Variants in COL4A5 observed in about 807,000 individuals in gnomAD.
The protein encoded by COL4A5 is collagen type IV alpha 5 chain.
Under a neutral mutation model 130.2 loss-of-function variants are expected in COL4A5, and 26 were observed. The observed-to-expected ratio is 0.20, with a 90% CI of 0.15 to 0.28. The LOEUF is 0.28. Ranked by LOEUF, COL4A5 falls within the 10% of genes least tolerant of loss-of-function variation. The probability of loss-of-function intolerance (pLI) is 1.00; values close to 1 mark genes in which losing one functional copy is unlikely to be tolerated. For missense variants in COL4A5, 1,131 were observed against 1,344.3 expected, an observed-to-expected ratio of 0.84 and a Z score of 2.48; for synonymous variants, 496 against 439.6, an observed-to-expected ratio of 1.13 and a Z score of -1.60.
At chrX:108,579,546 G>C (rs2066208645) in intron 13 of COL4A5, among the ~76,000 whole-genome samples, 2 of 112,049 alleles carry the variant, frequency 1.8e-5, no homozygotes, top group Admixed American at 1.9e-4. Context: ...TATGCAAGGA[G>C]AAAGATAATG....
In COL4A5 at chrX:108,500,277, G is replaced by A. The variant is rs762538492; in HGVS notation, c.82-39469G>A. On this transcript the variant is annotated intron_variant, in intron 1 of 52. Transcript: ENST00000328300. ...CAAGAGCGGAACATTAAATGATGTC[G>A]GAGGAGGTGCAGTCTTTCAGGCTCC... is the stretch of plus-strand genomic sequence containing the variant. Among the ~76,000 whole-genome samples, 19 of 112,122 alleles carry A rather than the reference G, an allele frequency of 1.7e-4. No individual in the cohort carries two copies. The South Asian group carries it at 2.2e-3, about 13-fold the overall frequency.
chrX:108,609,524 C>T (rs2066791379), intron 29 of COL4A5, among the ~76,000 whole-genome samples: 1 of 111,423 alleles, frequency 9.0e-6, no homozygotes, highest in Non-Finnish European at 1.9e-5. Context: ...CATTTTAGCC[C>T]TGGCTGGCTG....
At chrX:108,663,934 C>T (rs901319276) in intron 37 of COL4A5, among the ~76,000 whole-genome samples, 3 of 111,674 alleles carry the variant, frequency 2.7e-5, no homozygotes, top group Non-Finnish European at 5.6e-5. Context: ...CCCCTGTAAT[C>T]CCAGCACTTT....
Position 108,580,999 on chromosome X carries a change from A to G in COL4A5, c.908A>G (p.Asp303Gly). Residue 303 changes from aspartate (D) to glycine (G), a missense_variant, in exon 16 of 53, where the codon GAT becomes GGT. Transcript: ENST00000328300. ...EPGKRGKPGK[D>G]GENGQPGIPG... Reference sequence around the variant, plus strand: ...ATCCTATAGGGTAAACCAGGCAAAGATGGAGAAAATGGCCAACCAGGAATT... The same window carrying G: ...ATCCTATAGGGTAAACCAGGCAAAGGTGGAGAAAATGGCCAACCAGGAATT... 1 of 1,209,153 alleles carries G rather than the reference A, an allele frequency of 8.3e-7. No individual in the cohort carries two copies. Among genetic ancestry groups the G allele is most frequent in the South Asian group, 1.8e-5 (1 of 56,922 alleles).
At position 108,665,545 on chromosome X, in the gene COL4A5, C is replaced by T; in HGVS notation, c.3412C>T (p.Pro1138Ser). 2 of 1,208,828 alleles carry T rather than the reference C, an allele frequency of 1.7e-6. No homozygotes were observed. Among genetic ancestry groups the T allele is most frequent in the Non-Finnish European group, 2.2e-6 (2 of 893,276 alleles). The change falls in exon 38 of 53, where the codon CCT (proline) becomes TCT (serine). Residue 1138 changes from proline to serine, a missense_variant. Physicochemically the swap from Pro to Ser is moderately conservative, Grantham distance 74. Coordinates refer to ENST00000328300, the MANE Select transcript of COL4A5 (RefSeq NM_033380.3). ...GPPGPKGISG[P>S]PGNPGLPGEP... ...TCCTGGACCAAAAGGTATTAGTGGC[C>T]CTCCTGGGAACCCCGGCCTTCCAGG...
intron 49 of COL4A5, chrX:108,689,261 T>A (rs2068606340): frequency 1.6e-5 from 9 of 551,194 alleles, no homozygotes; most frequent in Non-Finnish European, 2.0e-5. Flanking sequence ...TTCAGGTAAT[T>A]TTCTCTAGTC....
chrX:108,632,872 C>A (rs1271132910), intron 36 of COL4A5, among the ~76,000 whole-genome samples: 3 of 111,582 alleles, frequency 2.7e-5, no homozygotes, highest in Non-Finnish European at 5.6e-5. Flanking sequence ...CAGCCAGTAT[C>A]ATACTGAATG....
Position 108,680,951 on chromosome X carries a change from C to T in COL4A5, c.4082C>T (p.Pro1361Leu). ...GPEGEPGLIG[P>L]PGPPGLPGPS... is the part of the protein sequence containing the mutation. ...GAGGGGGAACCGGGACTTATTGGTCCTCCAGGTAAGACTTATTCCTGAAGA... is the reference window on the plus strand; with the variant it reads ...GAGGGGGAACCGGGACTTATTGGTCTTCCAGGTAAGACTTATTCCTGAAGA... Residue 1361 changes from proline (P) to leucine (L), a missense_variant, in exon 46 of 53, where the codon CCT becomes CTT. Physicochemically the swap from Pro to Leu is moderately conservative, Grantham distance 98. Coordinates refer to ENST00000328300, the MANE Select transcript of COL4A5 (RefSeq NM_033380.3). 5.0e-6 allele frequency: 6 copies of T among 1,204,628 alleles called. No individual in the cohort carries two copies. Among genetic ancestry groups the T allele is most frequent in the Non-Finnish European group, 6.7e-6 (6 of 889,280 alleles).
At chrX:108,626,734 A>C (rs2067160398) in intron 36 of COL4A5, 2 of 880,040 alleles carry the variant, frequency 2.3e-6, no homozygotes, top group Admixed American at 1.1e-4. Flanking sequence ...AGTTAATGCT[A>C]ATGTAGTAGT....
At chrX:108,526,665 T>C (rs1411385395) in intron 1 of COL4A5, among the ~76,000 whole-genome samples, 116 of 55,001 alleles carry the variant, frequency 2.1e-3, no homozygotes, top group African/African-American at 6.2e-3. Flanking sequence ...TCTTTCTTCT[T>C]TCTTTCTCTT....
intron 4 of COL4A5, among the ~76,000 whole-genome samples, chrX:108,564,285 G>A (rs2147735700): frequency 9.0e-6 from 1 of 111,487 alleles, no homozygotes; most frequent in East Asian, 2.8e-4. Context: ...CTCAGCCTAG[G>A]TCCAGAAGGC....
chrX:108,681,312 T>G (rs1207013380), intron 46 of COL4A5, among the ~76,000 whole-genome samples: 1 of 110,577 alleles, frequency 9.0e-6, no homozygotes, highest in Non-Finnish European at 1.9e-5. Flanking sequence ...CTAAGAGGCT[T>G]ATAGAGGTTT....
At chrX:108,452,625 T>C (rs1369367713) in intron 1 of COL4A5, among the ~76,000 whole-genome samples, 3 of 111,822 alleles carry the variant, frequency 2.7e-5, no homozygotes, top group Non-Finnish European at 5.6e-5. Context: ...GGCTCTCTGT[T>C]TGTCTGTTAT....
At chrX:108,513,108 C>T (rs2065193276) in intron 1 of COL4A5, among the ~76,000 whole-genome samples, 1 of 111,628 alleles carries the variant, frequency 9.0e-6, no homozygotes, top group Non-Finnish European at 1.9e-5. Flanking sequence ...TTGTGTGAAC[C>T]TATGTTTTAA....
intron 17 of COL4A5, among the ~76,000 whole-genome samples, chrX:108,583,869 G>T (rs1382957046): frequency 9.1e-6 from 1 of 109,675 alleles, no homozygotes; most frequent in Non-Finnish European, 1.9e-5. Flanking sequence ...TTTTCATGCT[G>T]TTGTAGCTAC....
At chrX:108,466,870 A>G (rs1476785649) in intron 1 of COL4A5, among the ~76,000 whole-genome samples, 1 of 110,885 alleles carries the variant, frequency 9.0e-6, no homozygotes, top group Non-Finnish European at 1.9e-5. Context: ...CCTATTTTCA[A>G]GTTGGGCCGT....
At chrX:108,491,867 G>A (rs1355749183) in intron 1 of COL4A5, among the ~76,000 whole-genome samples, 3 of 111,602 alleles carry the variant, frequency 2.7e-5, no homozygotes, top group Admixed American at 1.9e-4. Flanking sequence ...ACTTTTCCAA[G>A]GTTGAGGCAG....
At chrX:108,585,239 A>G (rs1169088786) in intron 18 of COL4A5, among the ~76,000 whole-genome samples, 1 of 112,265 alleles carries the variant, frequency 8.9e-6, no homozygotes, top group Non-Finnish European at 1.9e-5. Context: ...CAACAGTGCG[A>G]ATGTTGGAAA....
At chrX:108,531,388 A>AT (rs2065383827) in intron 1 of COL4A5, among the ~76,000 whole-genome samples, 3 of 103,483 alleles carry the variant, frequency 2.9e-5, no homozygotes, top group East Asian at 6.0e-4. Flanking sequence ...TAAAAAATAA[A>AT]ATAAATAAAT....
Sources: allele counts gnomAD v4.1 joint callset (sites outside exome capture counted in the v4.1 genomes callset), GRCh38; gene constraint gnomAD v4.1.1; transcripts MANE v1.5; gene names NCBI Gene and HGNC (gene_info 2026-07-23, HGNC 2026-07-21).